The following DPP6 variants were observed in gnomAD, a reference collection of about 807,000 sequenced individuals.
The protein encoded by DPP6 is dipeptidyl peptidase like 6.
Under a neutral mutation model 122.6 loss-of-function variants are expected in DPP6, and 69 were observed. The ratio of observed to expected loss-of-function variants is 0.56; its 90% CI spans 0.46 to 0.69. DPP6 has a LOEUF of 0.69. Ranked by LOEUF, DPP6 falls within the 30% of genes least tolerant of loss-of-function variation. The pLI, the probability that DPP6 is intolerant of heterozygous loss-of-function variation, is 0.00. For synonymous variants in DPP6, 418 were observed against 433.1 expected (o/e 0.97, Z 0.43); for missense variants, 928 against 1,116.9 (o/e 0.83, Z 2.41).
chr7:154,585,550 G>A (rs1832383939), intron 5 of DPP6, among the ~76,000 whole-genome samples: 1 of 152,152 alleles, frequency 6.6e-6, no homozygotes, highest in African/African-American at 2.4e-5. Flanking sequence ...GAACCCCCGT[G>A]GGTACCAAAC....
chr7:154,637,960 G>A, intron 6 of DPP6, 87 bp downstream of exon 6: 3 of 1,402,720 alleles, frequency 2.1e-6, no homozygotes, highest in Middle Eastern at 3.5e-4. Context: ...AACCCTTAGG[G>A]CGGGAAATGG....
At chr7:154,365,578 C>T (rs1812086769) in intron 1 of DPP6, among the ~76,000 whole-genome samples, 1 of 152,190 alleles carries the variant, frequency 6.6e-6, no homozygotes, top group African/African-American at 2.4e-5. Flanking sequence ...CAGAGTCCGC[C>T]AGGTGGCATG....
At chr7:153,932,604 G>C (rs1801224477) in intron 1 of DPP6, among the ~76,000 whole-genome samples, 1 of 152,182 alleles carries the variant, frequency 6.6e-6, no homozygotes, top group Non-Finnish European at 1.5e-5. Flanking sequence ...GAATCTGATT[G>C]CATTGAAGAG....
At chr7:154,664,242 C>T (rs187162144) in intron 6 of DPP6, among the ~76,000 whole-genome samples, 11 of 140,634 alleles carry the variant, frequency 7.8e-5, no homozygotes, top group African/African-American at 2.4e-4. Flanking sequence ...AGTGTTCACG[C>T]GATCATGGTG....
chr7:153,960,731 G>A (rs1795313803), intron 1 of DPP6, among the ~76,000 whole-genome samples: 1 of 149,610 alleles, frequency 6.7e-6, no homozygotes. Context: ...GTGTGTGTGT[G>A]CATATTTGTG....
At chr7:154,326,774 C>T (rs1262343970) in intron 1 of DPP6, among the ~76,000 whole-genome samples, 2 of 152,212 alleles carry the variant, frequency 1.3e-5, no homozygotes, top group East Asian at 3.8e-4. Context: ...AATGCTAATT[C>T]ATATCCTTTC....
chr7:153,755,942 G>A, the DPP6 span, among the ~76,000 whole-genome samples: 378 of 152,216 alleles, frequency 2.5e-3, 1 homozygote, highest in Middle Eastern at 6.8e-3. Flanking sequence ...GGCTTATGGC[G>A]TTTCACCAGT....
At chr7:154,607,285 C>T (rs1295574433) in intron 5 of DPP6, among the ~76,000 whole-genome samples, 3 of 118,948 alleles carry the variant, frequency 2.5e-5, no homozygotes, top group Admixed American at 1.9e-4. Flanking sequence ...TTGAGCCGGG[C>T]GCGGTGGCTC....
chr7:154,101,935 C>CAAAAAAAA (rs915468915), intron 1 of DPP6, among the ~76,000 whole-genome samples: 1 of 40,826 alleles, frequency 2.4e-5, no homozygotes, highest in Non-Finnish European at 4.9e-5. Flanking sequence ...TACTCCATCT[C>CAAAAAAAA]AAAAAAAAAA....
In DPP6 at chr7:154,425,609, TGTGTGTGTGTGG is replaced by T. The variant is rs1284052977; in HGVS notation, c.244-20593_244-20582del. Among the ~76,000 whole-genome samples the T allele has an allele frequency of 1.4e-3, 156 of 113,136 alleles. 1 individual carries two copies. The highest frequency in any genetic ancestry group is 6.6e-3 in the African/African-American group (140 of 21,090). 74.2% of individuals were successfully genotyped at this position (113,136 alleles called of 152,430 possible). A position where few individuals can be genotyped will look rare whatever the true frequency, so the allele number is the denominator to read the frequency against. ...AGGTTAGTTTGGGGAAAAAAATGTG[TGTGTGTGTGTGG>T]GTGTGTGTGTGTGTGTGTGTGTGTG... On this transcript the variant is annotated intron_variant, in intron 1 of 25. Coordinates refer to ENST00000377770, the MANE Select transcript of DPP6 (RefSeq NM_130797.4).
chr7:154,427,177 CGA>C (rs1563651512), intron 1 of DPP6, among the ~76,000 whole-genome samples: 3 of 152,240 alleles, frequency 2.0e-5, no homozygotes, highest in African/African-American at 7.2e-5. Context: ...TGCATGGTGT[CGA>C]GAGAGGCACA....
At chr7:154,680,835 A>G (rs1475302117) in intron 7 of DPP6, among the ~76,000 whole-genome samples, 2 of 152,182 alleles carry the variant, frequency 1.3e-5, no homozygotes, top group Non-Finnish European at 2.9e-5. Flanking sequence ...TAAGCCGCCC[A>G]TCACCCTCCG....
intron 10 of DPP6, among the ~76,000 whole-genome samples, chr7:154,775,677 G>A (rs764992599): frequency 2.0e-5 from 3 of 151,990 alleles, no homozygotes; most frequent in South Asian, 2.1e-4. Flanking sequence ...TCAGCCATCC[G>A]GGAGAGACGC....
the DPP6 span, among the ~76,000 whole-genome samples, chr7:153,867,950 C>T: frequency 1.8e-4 from 28 of 152,220 alleles, no homozygotes; most frequent in Admixed American, 1.3e-3. Flanking sequence ...TGCTGGATTA[C>T]GTTTATTGAT....
At position 154,777,336 on chromosome 7, in the gene DPP6, A is replaced by C. The variant is rs574704116; in HGVS notation, c.1136+4394A>C. Among the ~76,000 whole-genome samples the C allele has an allele frequency of 3.3e-5, 5 of 152,264 alleles. No individual in the cohort carries two copies. In the South Asian group the frequency reaches 1.0e-3, roughly 32 times the overall value. ...GATGTCAGAAGGATCCCGGGGCAAA[A>C]TTGGAGGCCCTCTTGGGAAACGGTT... is the stretch of plus-strand genomic sequence containing the variant. On this transcript the variant is annotated intron_variant, in intron 10 of 25. Transcript: ENST00000377770.
chr7:154,874,306 T>A (rs143354942), intron 19 of DPP6, among the ~76,000 whole-genome samples: 2 of 152,320 alleles, frequency 1.3e-5, no homozygotes, highest in Non-Finnish European at 2.9e-5. Flanking sequence ...TACAAAACAA[T>A]TCTCCTTCCC....
At chr7:153,913,989 C>T (rs1166883396) in intron 1 of DPP6, among the ~76,000 whole-genome samples, 1 of 152,192 alleles carries the variant, frequency 6.6e-6, no homozygotes, top group Non-Finnish European at 1.5e-5. Flanking sequence ...ACTTACTATT[C>T]ACTGAAAACT....
intron 16 of DPP6, among the ~76,000 whole-genome samples, chr7:154,844,169 C>G (rs1259245601): frequency 6.6e-6 from 1 of 152,196 alleles, no homozygotes; most frequent in East Asian, 1.9e-4. Context: ...GCAAAAGCTT[C>G]CTATTGTATG....
chr7:154,217,556 C>A (rs1800072976), intron 1 of DPP6, among the ~76,000 whole-genome samples: 1 of 152,054 alleles, frequency 6.6e-6, no homozygotes. Flanking sequence ...ATTATATTTT[C>A]TAAAAGAAAA....
Sources: allele counts gnomAD v4.1 joint callset (sites outside exome capture counted in the v4.1 genomes callset), GRCh38; gene constraint gnomAD v4.1.1; transcripts MANE v1.5; gene names NCBI Gene and HGNC (gene_info 2026-07-23, HGNC 2026-07-21).